Variants in FHIT observed in about 807,000 individuals in gnomAD.
FHIT encodes bis(5'-adenosyl)-triphosphatase.
In FHIT, 19 loss-of-function variants were observed where a neutral mutation model predicts 17.9. That is an observed-to-expected ratio of 1.06 (90% CI 0.74 to 1.56). FHIT has a LOEUF of 1.56. FHIT is among the 40% of genes most tolerant of loss of function. The pLI, the probability that FHIT is intolerant of heterozygous loss-of-function variation, is 0.00. For missense variants in FHIT, 248 were observed against 189.2 expected (o/e 1.31, Z -1.82); for synonymous variants, 81 against 69.7 (o/e 1.16, Z -0.81).
intron 5 of FHIT, among the ~76,000 whole-genome samples, chr3:60,122,836 T>C (rs1198885746): frequency 1.3e-5 from 2 of 152,228 alleles, no homozygotes; most frequent in Non-Finnish European, 1.5e-5. Flanking sequence ...ATTACAAATT[T>C]ACTCAAGTGA....
intron 8 of FHIT, among the ~76,000 whole-genome samples, chr3:59,816,758 CCT>C (rs1329961689): frequency 2.6e-5 from 4 of 152,186 alleles, no homozygotes; most frequent in African/African-American, 9.7e-5. Flanking sequence ...GATCTTATCC[CCT>C]CTCTTGAACC....
At chr3:60,252,800 C>T (rs923975218) in intron 5 of FHIT, among the ~76,000 whole-genome samples, 1 of 151,336 alleles carries the variant, frequency 6.6e-6, no homozygotes. Context: ...ACCATCCTGG[C>T]TAACAAGGCG....
rs1363023562 is a variant in FHIT at position 59,948,688 on chromosome 3, T to C, written c.280-26274A>G. 2.0e-5 allele frequency among the ~76,000 whole-genome samples: 3 copies of C among 152,268 alleles called. No individual in the cohort carries two copies. In the East Asian group the frequency reaches 5.8e-4, roughly 29 times the overall value. On this transcript the variant is annotated intron_variant, in intron 7 of 9. Coordinates refer to ENST00000492590, the MANE Select transcript of FHIT (RefSeq NM_002012.4). ...TCCTAATGTATGCAGTGATAACTCA[T>C]CATGGCCTTAATTTGCATTTCCCTA...
chr3:60,190,894 G>C lies in FHIT; in HGVS notation c.104-176742C>G, dbSNP rs554369400. Among the ~76,000 whole-genome samples the C allele has an allele frequency of 1.6e-3, 239 of 152,138 alleles. 4 individuals are homozygous for C. Among genetic ancestry groups the C allele is most frequent in the East Asian group, 7.7e-4 (4 of 5,166 alleles). On this transcript the variant is annotated intron_variant, in intron 5 of 9. Coordinates refer to ENST00000492590, the MANE Select transcript of FHIT (RefSeq NM_002012.4). ...GGAGGTGGAGGTTGCAGTGAGCCGA[G>C]ATTGCACCCTTGCACTCCAGCCTGA...
intron 4 of FHIT, among the ~76,000 whole-genome samples, chr3:60,786,208 C>G (rs898495380): frequency 2.0e-5 from 3 of 152,118 alleles, no homozygotes; most frequent in Non-Finnish European, 4.4e-5. Flanking sequence ...TGCTTAACTA[C>G]TTGGTGCCTA....
At chr3:60,697,310 A>T (rs562344077) in intron 4 of FHIT, among the ~76,000 whole-genome samples, 74 of 152,306 alleles carry the variant, frequency 4.9e-4, no homozygotes, top group Non-Finnish European at 9.3e-4. Context: ...GAATTTTCAG[A>T]GGACTGCTGG....
chr3:60,308,119 G>C (rs1039600220), intron 5 of FHIT, among the ~76,000 whole-genome samples: 1 of 152,080 alleles, frequency 6.6e-6, no homozygotes, highest in Non-Finnish European at 1.5e-5. Flanking sequence ...ATAAATCCAT[G>C]CATTTATTAA....
intron 8 of FHIT, among the ~76,000 whole-genome samples, chr3:59,914,365 G>T (rs139218392): frequency 6.6e-6 from 1 of 152,046 alleles, no homozygotes; most frequent in African/African-American, 2.4e-5. Context: ...CACTCAAGCC[G>T]GGATTCTAAA....
chr3:59,987,515 T>C (rs1709039209), intron 7 of FHIT, among the ~76,000 whole-genome samples: 3 of 152,078 alleles, frequency 2.0e-5, no homozygotes, highest in African/African-American at 7.2e-5. Flanking sequence ...TAACACGTCA[T>C]GGCAATGATA....
At chr3:61,109,151 G>C (rs1233246306) in intron 2 of FHIT, among the ~76,000 whole-genome samples, 1 of 152,126 alleles carries the variant, frequency 6.6e-6, no homozygotes, top group African/African-American at 2.4e-5. Flanking sequence ...GGGGCAGAAG[G>C]CATGTATGAA....
intron 5 of FHIT, among the ~76,000 whole-genome samples, chr3:60,145,012 G>C (rs2107311977): frequency 6.6e-6 from 1 of 152,244 alleles, no homozygotes; most frequent in East Asian, 1.9e-4. Flanking sequence ...ATCAATTCCA[G>C]TGATATTGTT....
chr3:61,096,164 A>G (rs1056615028), intron 2 of FHIT, among the ~76,000 whole-genome samples: 15 of 152,320 alleles, frequency 9.8e-5, no homozygotes, highest in Middle Eastern at 3.4e-3. Flanking sequence ...ATTTGCAAAG[A>G]AACACCCTAA....
chr3:60,021,405 G>A (rs564412270), intron 5 of FHIT, among the ~76,000 whole-genome samples: 1 of 152,164 alleles, frequency 6.6e-6, no homozygotes, highest in Non-Finnish European at 1.5e-5. Context: ...TCCGCAGCCC[G>A]ATAGCATTCT....
intron 5 of FHIT, among the ~76,000 whole-genome samples, chr3:60,441,792 A>ATCTGTGTGTGTG (rs1328363652): frequency 7.2e-5 from 1 of 13,840 alleles, no homozygotes; most frequent in African/African-American, 2.0e-4. Context: ...AAATATATAT[A>ATCTGTGTGTGTG]TATATATATA....
intron 3 of FHIT, among the ~76,000 whole-genome samples, chr3:60,973,908 A>C (rs1710130584): frequency 6.6e-6 from 1 of 152,206 alleles, no homozygotes; most frequent in Middle Eastern, 3.2e-3. Context: ...ATTATTTGGA[A>C]GGCCTCCAGA....
At chr3:60,439,240 T>C (rs2030571795) in intron 5 of FHIT, among the ~76,000 whole-genome samples, 1 of 152,104 alleles carries the variant, frequency 6.6e-6, no homozygotes, top group African/African-American at 2.4e-5. Flanking sequence ...TCAATTCATA[T>C]TTAAGGAGGT....
chr3:59,949,696 G>A (rs1320572728), intron 7 of FHIT, among the ~76,000 whole-genome samples: 2 of 152,116 alleles, frequency 1.3e-5, no homozygotes, highest in Non-Finnish European at 2.9e-5. Context: ...CGCCAACCTG[G>A]GGCTCACATT....
intron 3 of FHIT, among the ~76,000 whole-genome samples, chr3:60,992,202 G>C (rs1288445927): frequency 1.3e-5 from 2 of 152,188 alleles, no homozygotes; most frequent in Non-Finnish European, 2.9e-5. Context: ...TATCAAAGCA[G>C]TGGTAACATT....
intron 4 of FHIT, chr3:60,732,164 C>G (rs2042043579): frequency 3.9e-6 from 3 of 779,162 alleles, no homozygotes; most frequent in Non-Finnish European, 6.6e-6. Context: ...TGTCCACAGT[C>G]AGCAATGGTG....
Sources: gnomAD v4.1 joint callset for allele counts (sites outside exome capture counted in the v4.1 genomes callset) on GRCh38, gnomAD v4.1.1 for gene constraint, MANE v1.5 for transcripts, NCBI Gene and HGNC (gene_info 2026-07-23, HGNC 2026-07-21) for gene names.